PSIP1: variants seen among roughly 807,000 people sequenced by gnomAD.
PSIP1 encodes the protein PC4 and SFRS1-interacting protein.
Under a neutral mutation model 74.7 loss-of-function variants are expected in PSIP1, and 19 were observed. The ratio of observed to expected loss-of-function variants is 0.25; its 90% confidence interval spans 0.18 to 0.37. The LOEUF is 0.37. Ranked by LOEUF, PSIP1 falls within the 10% of genes least tolerant of loss-of-function variation. The pLI is 1.00. For synonymous variants in PSIP1, 222 were observed against 195.3 expected (o/e 1.14, Z -1.14); for missense variants, 601 against 614.3 (o/e 0.98, Z 0.23).
At chr9:15,470,435 T>C (rs2035775748) in intron 10 of PSIP1, among the ~76,000 whole-genome samples, 1 of 152,108 alleles carries the variant, frequency 6.6e-6, no homozygotes, top group African/African-American at 2.4e-5. Context: ...AACACTGTTT[T>C]TAAAATTTTG....
chr9:15,496,898 C>A (rs368817728), intron 3 of PSIP1, among the ~76,000 whole-genome samples: 1 of 152,050 alleles, frequency 6.6e-6, no homozygotes, highest in Non-Finnish European at 1.5e-5. Flanking sequence ...CCCACTCAGA[C>A]GGCCAAAAAA....
intron 6 of PSIP1, among the ~76,000 whole-genome samples, chr9:15,484,098 C>A (rs1397520569): frequency 6.8e-6 from 1 of 146,186 alleles, no homozygotes; most frequent in African/African-American, 2.6e-5. Flanking sequence ...TGCCACTGCA[C>A]TCCAGTCTGG....
chr9:15,498,585 C>T (rs965602633), intron 3 of PSIP1, among the ~76,000 whole-genome samples: 1 of 152,114 alleles, frequency 6.6e-6, no homozygotes. Flanking sequence ...ACGGACATCA[C>T]TATACTACTT....
intron 3 of PSIP1, among the ~76,000 whole-genome samples, chr9:15,492,830 T>C (rs2036897835): frequency 6.6e-6 from 1 of 152,234 alleles, no homozygotes; most frequent in African/African-American, 2.4e-5. Context: ...GGCTTGGGGC[T>C]TGCACCCTCT....
chr9:15,508,637 T>C (rs1036697325), intron 2 of PSIP1, among the ~76,000 whole-genome samples: 1 of 152,130 alleles, frequency 6.6e-6, no homozygotes. Flanking sequence ...CACCTCAAAA[T>C]AAACAAGGAT....
intron 3 of PSIP1, among the ~76,000 whole-genome samples, chr9:15,503,807 C>T (rs1428655427): frequency 6.6e-6 from 1 of 152,124 alleles, no homozygotes; most frequent in Non-Finnish European, 1.5e-5. Context: ...AGTGCAATGG[C>T]ACAATCTCGG....
intron 14 of PSIP1, among the ~76,000 whole-genome samples, chr9:15,467,715 T>C (rs550323243): frequency 1.3e-5 from 2 of 152,300 alleles, no homozygotes; most frequent in Admixed American, 1.3e-4. Flanking sequence ...GAAAAGAAAA[T>C]AACTACTGTT....
rs527798864 is a variant in PSIP1 at position 15,471,546 on chromosome 9, GATAGA to G, written c.977+1081_977+1085del. The G allele has an allele frequency of 1.4e-4, 135 of 972,692 alleles. 1 individual carries two copies. In the South Asian group the frequency reaches 1.7e-3, roughly 12 times the overall value. 60.3% of individuals were successfully genotyped at this position (972,692 alleles called of 1,614,324 possible). A position where few individuals can be genotyped will look rare whatever the true frequency, so the allele number is the denominator to read the frequency against. On this transcript the variant is annotated intron_variant, in intron 10 of 15. Transcript: ENST00000380733. Reference sequence around the variant, plus strand: ...CAGTCCAACAGCTTTTCAGTGAAAAGATAGAATAGAAAATGATAGGTGACAAAGAA... The same window carrying G: ...CAGTCCAACAGCTTTTCAGTGAAAAGATAGAAAATGATAGGTGACAAAGAA...
At chr9:15,471,421 G>C in intron 10 of PSIP1, 1 of 1,472,194 alleles carries the variant, frequency 6.8e-7, no homozygotes. Flanking sequence ...AATACATAAA[G>C]ATAACTTTAA....
In PSIP1 at chr9:15,496,935, G is replaced by C. The variant is rs148872569; in HGVS notation, c.150-6811C>G. Among the ~76,000 whole-genome samples, 621 of 152,274 alleles carry C rather than the reference G, an allele frequency of 4.1e-3. 2 individuals are homozygous for C. Among genetic ancestry groups the C allele is most frequent in the African/African-American group, 0.014 (599 of 41,546 alleles). ...AACAAATAATAACAAGTGTTGGCAA[G>C]GATGTGGAGAAATTGGAACCCTCCT... On this transcript the variant is annotated intron_variant, in intron 3 of 15. Transcript: ENST00000380733.
intron 3 of PSIP1, among the ~76,000 whole-genome samples, chr9:15,503,499 A>G: frequency 6.7e-6 from 1 of 149,056 alleles, no homozygotes; most frequent in South Asian, 2.1e-4. Flanking sequence ...TCTAAAAAAT[A>G]ATAATAATAA....
At chr9:15,491,916 A>C (rs1212225994) in intron 3 of PSIP1, 1 of 152,276 alleles carries the variant, frequency 6.6e-6, no homozygotes, top group Non-Finnish European at 1.5e-5. Context: ...ATCAGGTCTC[A>C]TGAAACTCAC....
At chr9:15,489,676 C>T (rs535174353) in intron 4 of PSIP1, among the ~76,000 whole-genome samples, 53 of 150,928 alleles carry the variant, frequency 3.5e-4, no homozygotes, top group African/African-American at 1.3e-3. Context: ...TAGGCATACA[C>T]CATGTAAGTC....
intron 3 of PSIP1, among the ~76,000 whole-genome samples, chr9:15,502,703 G>T (rs897711906): frequency 6.6e-6 from 1 of 152,204 alleles, no homozygotes. Context: ...TAGAAAGGAA[G>T]GGGAAAGACT....
intron 6 of PSIP1, among the ~76,000 whole-genome samples, chr9:15,482,421 C>G (rs957482593): frequency 1.3e-5 from 2 of 152,178 alleles, no homozygotes; most frequent in African/African-American, 2.4e-5. Flanking sequence ...TTCTTCCCGA[C>G]TTGTACCACA....
chr9:15,479,515 T>C (rs960394160), intron 7 of PSIP1, 76 bp downstream of exon 7: 14 of 1,150,768 alleles, frequency 1.2e-5, no homozygotes, highest in African/African-American at 4.7e-5. Flanking sequence ...TCCAAAATAT[T>C]TGAGGCAGCA....
chr9:15,485,885 A>C lies in PSIP1; in HGVS notation c.456+121T>G, dbSNP rs532045544. The C allele has an allele frequency of 4.9e-4, 416 of 856,958 alleles. 7 individuals are homozygous for C. In the South Asian group the frequency reaches 8.4e-3, roughly 17 times the overall value. 53.1% of individuals were successfully genotyped at this position (856,958 alleles called of 1,614,324 possible). On this transcript the variant is annotated intron_variant, in intron 6 of 15. Coordinates refer to ENST00000380733, the MANE Select transcript of PSIP1 (RefSeq NM_033222.5). ...TTGCCAAGTAAAACATAACCCATAA[A>C]AAATTAAAGGGTTTAGAATAAAAGC...
chr9:15,506,479 A>G, intron 3 of PSIP1, 82 bp downstream of exon 3: 1 of 987,826 alleles, frequency 1.0e-6, no homozygotes, highest in Non-Finnish European at 1.5e-6. Context: ...TTACGTTACG[A>G]TTTCCCCCTT....
At chr9:15,482,175 A>G (rs1223092333) in intron 6 of PSIP1, among the ~76,000 whole-genome samples, 2 of 152,174 alleles carry the variant, frequency 1.3e-5, no homozygotes. Flanking sequence ...AAATGTATTC[A>G]TAAGTCCTCC....
Sources: gnomAD v4.1 joint callset for allele counts (sites outside exome capture counted in the v4.1 genomes callset) on GRCh38, gnomAD v4.1.1 for gene constraint, MANE v1.5 for transcripts, NCBI Gene and HGNC (gene_info 2026-07-23, HGNC 2026-07-21) for gene names.